ADAMTSL1: variants seen among roughly 807,000 people sequenced by gnomAD.
ADAMTSL1 encodes ADAMTS like 1, also known as ADAMTS-like protein 1.
ADAMTSL1 carries 126 observed loss-of-function variants against 201.8 expected under a neutral mutation model. That is an observed-to-expected ratio of 0.62 (90% CI 0.54 to 0.72). The LOEUF is 0.72. ADAMTSL1 is among the 30% of genes least tolerant of loss of function. ADAMTSL1 has a pLI of 0.00. For synonymous variants in ADAMTSL1, 1,121 were observed against 903.4 expected (o/e 1.24, Z -4.32); for missense variants, 2,679 against 2,277.8 (o/e 1.18, Z -3.59).
At chr9:18,513,941 T>G (rs1456401448) in intron 2 of ADAMTSL1, among the ~76,000 whole-genome samples, 1 of 152,238 alleles carries the variant, frequency 6.6e-6, no homozygotes, top group Non-Finnish European at 1.5e-5. Flanking sequence ...CCTTCAGCTT[T>G]GTTCTCTCTC....
intron 10 of ADAMTSL1, among the ~76,000 whole-genome samples, chr9:18,678,162 A>T (rs554974278): frequency 2.1e-4 from 32 of 152,252 alleles, no homozygotes; most frequent in African/African-American, 7.7e-4. Context: ...ACTCTTGTGC[A>T]TCCTGCTTAA....
intron 14 of ADAMTSL1, among the ~76,000 whole-genome samples, chr9:18,712,495 A>G (rs1203501537): frequency 6.6e-6 from 1 of 152,050 alleles, no homozygotes; most frequent in Non-Finnish European, 1.5e-5. Context: ...AAGAAAGGGT[A>G]TCAGCGATGG....
chr9:18,255,189 G>A (rs1024676632), intron 2 of ADAMTSL1, among the ~76,000 whole-genome samples: 7 of 152,110 alleles, frequency 4.6e-5, no homozygotes, highest in Non-Finnish European at 5.9e-5. Flanking sequence ...GCTGTCAAGG[G>A]ATGAAAGCTG....
chr9:18,868,491 A>G (rs1051053782), intron 23 of ADAMTSL1, among the ~76,000 whole-genome samples: 3 of 152,216 alleles, frequency 2.0e-5, no homozygotes, highest in Admixed American at 6.5e-5. Flanking sequence ...GTTTTTAAGC[A>G]TAGTTAGAGC....
At chr9:17,954,488 T>C (rs7850746) in intron 1 of ADAMTSL1, among the ~76,000 whole-genome samples, 3 of 152,212 alleles carry the variant, frequency 2.0e-5, no homozygotes, top group Non-Finnish European at 2.9e-5. Flanking sequence ...TATTTTTGAA[T>C]GGTTTAAGTT....
intron 23 of ADAMTSL1, among the ~76,000 whole-genome samples, chr9:18,876,470 A>G (rs1828166552): frequency 1.3e-5 from 2 of 152,124 alleles, no homozygotes; most frequent in African/African-American, 4.8e-5. Context: ...TTCTCTCAGC[A>G]TGTGTTTTTC....
chr9:18,196,935 G>A (rs961963222), intron 2 of ADAMTSL1, among the ~76,000 whole-genome samples: 1 of 152,038 alleles, frequency 6.6e-6, no homozygotes, highest in African/African-American at 2.4e-5. Flanking sequence ...GTACTACCTA[G>A]AGTAGGCCCC....
intron 9 of ADAMTSL1, 142 bp from the exon 10 acceptor site, chr9:18,675,715 A>T: frequency 1.4e-6 from 1 of 722,324 alleles, no homozygotes; most frequent in Non-Finnish European, 2.3e-6. Context: ...AAGATATAAA[A>T]CTGTTTTAGT....
At position 18,353,193 on chromosome 9, in the gene ADAMTSL1, A is replaced by G. The variant is rs566065598; in HGVS notation, c.208-151636A>G. Among the ~76,000 whole-genome samples, 167 of 152,274 alleles carry G rather than the reference A, an allele frequency of 1.1e-3. 1 individual carries two copies. The highest frequency in any genetic ancestry group is 2.9e-3 in the African/African-American group (121 of 41,540). On this transcript the variant is annotated intron_variant, in intron 2 of 29. Coordinates refer to the ADAMTSL1 transcript ENST00000680146. ...GTTCATTTATATTCTTATCTCCTGG[A>G]TATTATTTGTAGTGCTTCTTCATCA...
intron 22 of ADAMTSL1, among the ~76,000 whole-genome samples, chr9:18,828,851 T>A (rs571162834): frequency 7.3e-4 from 111 of 151,648 alleles, no homozygotes; most frequent in African/African-American, 2.6e-3. Context: ...GACTTATTAA[T>A]TCACCAGCCC....
chr9:18,220,361 A>G (rs75730281), intron 2 of ADAMTSL1, among the ~76,000 whole-genome samples: 2 of 152,166 alleles, frequency 1.3e-5, no homozygotes, highest in Admixed American at 6.5e-5. Flanking sequence ...TCCTTTTACC[A>G]TTATGTAGTG....
chr9:18,656,602 C>G (rs1227167579), intron 7 of ADAMTSL1, among the ~76,000 whole-genome samples: 1 of 135,310 alleles, frequency 7.4e-6, no homozygotes, highest in African/African-American at 2.8e-5. Flanking sequence ...ACACTCCAGC[C>G]TGAGCAACAG....
At chr9:18,112,402 C>T (rs1374681874) in intron 1 of ADAMTSL1, among the ~76,000 whole-genome samples, 1 of 152,002 alleles carries the variant, frequency 6.6e-6, no homozygotes, top group Non-Finnish European at 1.5e-5. Context: ...AGGTATGTTC[C>T]ATACAGATTC....
intron 23 of ADAMTSL1, among the ~76,000 whole-genome samples, chr9:18,845,764 C>T (rs368570933): frequency 8.5e-5 from 13 of 152,342 alleles, no homozygotes; most frequent in Admixed American, 6.5e-4. Flanking sequence ...GGAATTACTT[C>T]TTTCTCCAAC....
chr9:18,695,065 G>A (rs1564157657), intron 13 of ADAMTSL1, among the ~76,000 whole-genome samples: 1 of 152,230 alleles, frequency 6.6e-6, no homozygotes, highest in Non-Finnish European at 1.5e-5. Flanking sequence ...AGCCATGGCT[G>A]GAGCTGGAGC....
intron 2 of ADAMTSL1, among the ~76,000 whole-genome samples, chr9:18,392,347 G>T (rs73643258): frequency 0.083 from 12,628 of 152,146 alleles, 835 homozygotes; most frequent in African/African-American, 0.19. Flanking sequence ...GCTTCATGGG[G>T]ATAAAAAAAG....
chr9:18,905,578 A>G (rs1393340209), intron 26 of ADAMTSL1: 2 of 558,900 alleles, frequency 3.6e-6, no homozygotes, highest in African/African-American at 3.8e-5. Flanking sequence ...CAGAATGCCC[A>G]CAGACCACAG....
At chr9:18,696,047 A>G (rs767076880) in intron 13 of ADAMTSL1, among the ~76,000 whole-genome samples, 1 of 152,126 alleles carries the variant, frequency 6.6e-6, no homozygotes, top group Non-Finnish European at 1.5e-5. Flanking sequence ...CTTTTAAGCA[A>G]CCAGATCTCT....
intron 2 of ADAMTSL1, among the ~76,000 whole-genome samples, chr9:18,234,327 G>A (rs1314908231): frequency 1.3e-5 from 2 of 152,096 alleles, no homozygotes; most frequent in Non-Finnish European, 2.9e-5. Flanking sequence ...GAAATATCTG[G>A]GAGAAATCCA....
Sources: gnomAD v4.1 joint callset for allele counts (sites outside exome capture counted in the v4.1 genomes callset) on GRCh38, gnomAD v4.1.1 for gene constraint, MANE v1.5 for transcripts, NCBI Gene and HGNC (gene_info 2026-07-23, HGNC 2026-07-21) for gene names.